The following PLCG2 variants were observed in gnomAD, a reference collection of about 807,000 sequenced individuals.
PLCG2 encodes 1-phosphatidylinositol 4,5-bisphosphate phosphodiesterase gamma-2.
In PLCG2, 69 loss-of-function variants were observed where a neutral mutation model predicts 175.6. The observed-to-expected ratio is 0.39, with a 90% CI of 0.32 to 0.48. PLCG2 has a LOEUF of 0.48. Ranked by LOEUF, PLCG2 falls within the 20% of genes least tolerant of loss-of-function variation. The probability of loss-of-function intolerance (pLI) is 0.91; values close to 1 mark genes in which losing one functional copy is unlikely to be tolerated. For synonymous variants in PLCG2, 827 were observed against 624.0 expected, an observed-to-expected ratio of 1.33 and a Z score of -4.85; for missense variants, 1,798 against 1,650.9, an observed-to-expected ratio of 1.09 and a Z score of -1.54.
intron 2 of PLCG2, among the ~76,000 whole-genome samples, chr16:81,816,956 C>A (rs988530340): frequency 6.6e-6 from 1 of 152,098 alleles, no homozygotes; most frequent in Non-Finnish European, 1.5e-5. Flanking sequence ...CTGAGCTGGG[C>A]TTTTTTTCCT....
rs533643036 is a variant in PLCG2 at position 81,883,426 on chromosome 16, A to T, written c.765+85A>T. ...TCTCACCCTTCTGCCGCCTGTGCTCACCTGGTCACCTGTGCTCACCTGGCC... is the reference window on the plus strand; with the variant it reads ...TCTCACCCTTCTGCCGCCTGTGCTCTCCTGGTCACCTGTGCTCACCTGGCC... On this transcript the variant is annotated intron_variant, in intron 9 of 32. Transcript: ENST00000564138. The T allele has an allele frequency of 4.6e-6, 5 of 1,081,304 alleles. No homozygotes were observed. In the East Asian group the frequency reaches 1.2e-4, roughly 26 times the overall value. The allele number at this position is 1,081,304 out of a possible 1,614,324, so 67.0% of individuals were successfully genotyped here.
chr16:81,902,785 C>G (rs1033972435), intron 14 of PLCG2, among the ~76,000 whole-genome samples: 1 of 152,180 alleles, frequency 6.6e-6, no homozygotes, highest in Non-Finnish European at 1.5e-5. Context: ...GTTTAATGGA[C>G]TCACAGTTCC....
intron 2 of PLCG2, among the ~76,000 whole-genome samples, chr16:81,819,998 C>A (rs890630500): frequency 6.6e-5 from 10 of 152,170 alleles, no homozygotes; most frequent in African/African-American, 2.4e-4. Context: ...AAAATATCTC[C>A]CATTGACTAC....
intron 18 of PLCG2, among the ~76,000 whole-genome samples, chr16:81,911,608 A>AT (rs763871566): frequency 1.1e-4 from 16 of 150,156 alleles, no homozygotes; most frequent in Non-Finnish European, 2.1e-4. Context: ...TAATTAATTA[A>AT]TTAATTAATT....
intron 19 of PLCG2, among the ~76,000 whole-genome samples, chr16:81,913,899 A>G (rs1909735260): frequency 6.6e-6 from 1 of 152,068 alleles, no homozygotes; most frequent in Non-Finnish European, 1.5e-5. Context: ...GGTGACGGTC[A>G]TTATCACTAT....
chr16:81,915,679 C>T (rs772423909), intron 19 of PLCG2, among the ~76,000 whole-genome samples: 12 of 152,168 alleles, frequency 7.9e-5, no homozygotes, highest in Non-Finnish European at 1.2e-4. Context: ...GCTCCCCATG[C>T]GACGGGTTGT....
intron 2 of PLCG2, among the ~76,000 whole-genome samples, chr16:81,814,409 G>C (rs768749846): frequency 1.3e-5 from 2 of 151,942 alleles, no homozygotes; most frequent in Non-Finnish European, 2.9e-5. Context: ...GGTACCCATG[G>C]GGACTGAGTG....
intron 7 of PLCG2, among the ~76,000 whole-genome samples, chr16:81,879,402 C>T (rs545913298): frequency 3.9e-5 from 6 of 152,306 alleles, no homozygotes; most frequent in African/African-American, 1.4e-4. Flanking sequence ...TCTCAGTTTG[C>T]CTAAAAAGGC....
chr16:81,795,948 A>G (rs1190870106), intron 2 of PLCG2, among the ~76,000 whole-genome samples: 1 of 152,236 alleles, frequency 6.6e-6, no homozygotes, highest in Admixed American at 6.5e-5. Flanking sequence ...GCATGCTAGA[A>G]GAACAGGGCC....
chr16:81,819,649 A>T (rs1378831051), intron 2 of PLCG2, among the ~76,000 whole-genome samples: 2 of 152,146 alleles, frequency 1.3e-5, no homozygotes, highest in Admixed American at 6.5e-5. Context: ...CGGTGGCGCT[A>T]TCTCGGCTCA....
chr16:81,870,714 A>G (rs2143531784), intron 6 of PLCG2, 138 bp from the exon 7 acceptor site: 3 of 480,284 alleles, frequency 6.2e-6, no homozygotes, highest in East Asian at 3.3e-5. Context: ...CACTGAAACA[A>G]TGTGGTCATA....
chr16:81,741,993 T>C (rs1909604617), intron 1 of PLCG2, among the ~76,000 whole-genome samples: 1 of 152,164 alleles, frequency 6.6e-6, no homozygotes, highest in Admixed American at 6.5e-5. Context: ...CCTACCTAGC[T>C]GAAATTTGTG....
Position 81,931,467 on chromosome 16 carries a change from T to C in PLCG2, c.2582-30T>C, listed in dbSNP as rs749065245. The C allele has an allele frequency of 1.9e-5, 31 of 1,609,048 alleles. No homozygotes were observed. The Admixed American group carries it at 2.3e-4, about 12-fold the overall frequency. ...TCTTTGTGGCCCTCTAATAGGCTGA[T>C]TGGGACATTTCTTATTCTCTTACCC... On this transcript the variant is annotated intron_variant, in intron 24 of 32. Coordinates refer to ENST00000564138, the MANE Select transcript of PLCG2 (RefSeq NM_002661.5).
At chr16:81,936,439 C>A in intron 27 of PLCG2, 61 bp downstream of exon 27, 2 of 1,375,042 alleles carry the variant, frequency 1.5e-6, no homozygotes, top group Non-Finnish European at 2.1e-6. Context: ...CACTCCAGGC[C>A]GAGTCACCTT....
intron 2 of PLCG2, among the ~76,000 whole-genome samples, chr16:81,795,131 A>G (rs1313490379): frequency 6.6e-6 from 1 of 152,244 alleles, no homozygotes; most frequent in Non-Finnish European, 1.5e-5. Flanking sequence ...AAAGTAGTGA[A>G]CAGGACCCTG....
At chr16:81,866,499 A>G (rs1280663133) in intron 5 of PLCG2, among the ~76,000 whole-genome samples, 1 of 76,010 alleles carries the variant, frequency 1.3e-5, no homozygotes, top group African/African-American at 3.9e-5. Flanking sequence ...GGGCACCAGC[A>G]TGAGAGGACG....
At chr16:81,853,369 C>T (rs541024704) in intron 2 of PLCG2, among the ~76,000 whole-genome samples, 1 of 151,872 alleles carries the variant, frequency 6.6e-6, no homozygotes, top group Non-Finnish European at 1.5e-5. Context: ...AACCATTAGA[C>T]CCTGAACTGG....
rs57503150 is a variant in PLCG2 at position 81,774,177 on chromosome 16, C to CAAAAAAAA, written c.-47-11747_-47-11740dup. Among the ~76,000 whole-genome samples, 9 of 40,532 alleles carry CAAAAAAAA rather than the reference C, an allele frequency of 2.2e-4. 1 individual carries two copies. Among genetic ancestry groups the CAAAAAAAA allele is most frequent in the African/African-American group, 2.3e-4 (2 of 8,706 alleles). 26.6% of individuals were successfully genotyped at this position (40,532 alleles called of 152,430 possible). A position where few individuals can be genotyped will look rare whatever the true frequency, so the allele number is the denominator to read the frequency against. On this transcript the variant is annotated intron_variant, in intron 2 of 5. Transcript: ENST00000565054. ...TGAAATCCCGTCTCTACTAAAAATA[C>CAAAAAAAA]AAAAAAAAAAAAAAAAAAAAAAAAA...
chr16:81,951,359 T>C (rs1911358723), intron 31 of PLCG2, among the ~76,000 whole-genome samples: 1 of 152,170 alleles, frequency 6.6e-6, no homozygotes, highest in African/African-American at 2.4e-5. Flanking sequence ...GAACCCCAAA[T>C]AATAAACTAC....
Sources: allele counts gnomAD v4.1 joint callset (sites outside exome capture counted in the v4.1 genomes callset), GRCh38; gene constraint gnomAD v4.1.1; transcripts MANE v1.5; gene names NCBI Gene and HGNC (gene_info 2026-07-23, HGNC 2026-07-21).